The following MAST4 variants were observed in gnomAD, a reference collection of about 807,000 sequenced individuals.
The protein encoded by MAST4 is microtubule associated serine/threonine kinase family member 4.
In MAST4, 89 loss-of-function variants were observed where a neutral mutation model predicts 162.7. That is an observed-to-expected ratio of 0.55 (90% CI 0.46 to 0.65). The LOEUF (loss-of-function observed/expected upper bound fraction) is 0.65, where lower values mean the gene tolerates loss of function less well. MAST4 is among the 30% of genes least tolerant of loss of function. The pLI, the probability that MAST4 is intolerant of heterozygous loss-of-function variation, is 0.00. For missense variants in MAST4, 3,153 were observed against 3,374.0 expected, an observed-to-expected ratio of 0.93 and a Z score of 1.62; for synonymous variants, 1,479 against 1,361.1, an observed-to-expected ratio of 1.09 and a Z score of -1.91.
chr5:66,613,028 G>C (rs1243386467), intron 1 of MAST4, among the ~76,000 whole-genome samples: 2 of 152,036 alleles, frequency 1.3e-5, no homozygotes, highest in Admixed American at 6.6e-5. Flanking sequence ...CAAGAGTACT[G>C]TTTCTTTAAA....
intron 3 of MAST4, among the ~76,000 whole-genome samples, chr5:66,874,230 A>C (rs932637864): frequency 6.6e-6 from 1 of 152,190 alleles, no homozygotes; most frequent in Non-Finnish European, 1.5e-5. Context: ...CAAATGAACA[A>C]AGAATGAAGC....
intron 5 of MAST4, among the ~76,000 whole-genome samples, chr5:67,085,740 G>T (rs931570155): frequency 6.6e-6 from 1 of 152,176 alleles, no homozygotes; most frequent in Non-Finnish European, 1.5e-5. Flanking sequence ...CGAAACAGCT[G>T]CCCAGGTTTA....
chr5:66,893,380 T>TG (rs1762480984), intron 3 of MAST4, among the ~76,000 whole-genome samples: 3 of 142,228 alleles, frequency 2.1e-5, no homozygotes, highest in Admixed American at 7.3e-5. Flanking sequence ...TAATTTTTTT[T>TG]TTTGTGTGTG....
In MAST4 at chr5:67,142,209, A is replaced by G. The variant is rs1770480227; in HGVS notation, c.2589A>G (p.Glu863=). 1 of 1,613,908 alleles carries G rather than the reference A, an allele frequency of 6.2e-7. No homozygotes were observed. Among genetic ancestry groups the G allele is most frequent in the African/African-American group, 1.3e-5 (1 of 75,066 alleles). The part of the protein sequence containing the change: ...RQKAEFIPQL[E]SEDDTSYFDT... Reference sequence around the variant, plus strand: ...AGGCAGAATTTATTCCCCAACTGGAATCTGAGGATGACACAAGTTATTTTG... The same window carrying G: ...AGGCAGAATTTATTCCCCAACTGGAGTCTGAGGATGACACAAGTTATTTTG... The change falls in exon 20 of 29, where the codon GAA becomes GAG. Residue 863 remains glutamate (E), a synonymous_variant. Coordinates refer to ENST00000403625, the MANE Select transcript of MAST4 (RefSeq NM_001164664.2).
Position 67,020,003 on chromosome 5 carries a change from A to G in MAST4, c.675-34401A>G, listed in dbSNP as rs1178151102. Among the ~76,000 whole-genome samples, 5 of 152,208 alleles carry G rather than the reference A, an allele frequency of 3.3e-5. No homozygotes were observed. The East Asian group carries it at 9.6e-4, about 29-fold the overall frequency. ...AAAGTAGGACAACCATGGTGAAAATAGAATCTTTAATCTCTTGAGGGGAAA... is the reference window on the plus strand; with the variant it reads ...AAAGTAGGACAACCATGGTGAAAATGGAATCTTTAATCTCTTGAGGGGAAA... On this transcript the variant is annotated intron_variant, in intron 4 of 28. Transcript: ENST00000403625.
intron 8 of MAST4, among the ~76,000 whole-genome samples, chr5:67,101,171 A>T (rs1764985421): frequency 6.6e-6 from 1 of 152,180 alleles, no homozygotes; most frequent in Admixed American, 6.5e-5. Flanking sequence ...CTTGTTCAGC[A>T]TGTTTCTTAG....
At chr5:66,860,309 A>G (rs538959262) in intron 3 of MAST4, among the ~76,000 whole-genome samples, 12 of 152,352 alleles carry the variant, frequency 7.9e-5, no homozygotes, top group Admixed American at 7.2e-4. Context: ...ACTGCTAACT[A>G]TTTAAAAAAT....
intron 3 of MAST4, among the ~76,000 whole-genome samples, chr5:66,882,813 C>T (rs780839477): frequency 3.9e-5 from 6 of 152,056 alleles, no homozygotes; most frequent in Admixed American, 6.6e-5. Flanking sequence ...CAGTGTATGA[C>T]GCAGAAGAGG....
intron 4 of MAST4, among the ~76,000 whole-genome samples, chr5:66,955,432 G>A (rs1435162014): frequency 6.6e-6 from 1 of 152,074 alleles, no homozygotes; most frequent in Non-Finnish European, 1.5e-5. Context: ...TAGAAGAGGG[G>A]ATGTGGAGGT....
At chr5:66,839,096 A>G (rs1758238036) in intron 3 of MAST4, among the ~76,000 whole-genome samples, 1 of 152,204 alleles carries the variant, frequency 6.6e-6, no homozygotes, top group African/African-American at 2.4e-5. Flanking sequence ...AACTGAAGGT[A>G]GAATTAACAG....
chr5:66,808,352 C>T (rs1025029140), intron 3 of MAST4, among the ~76,000 whole-genome samples: 1 of 152,196 alleles, frequency 6.6e-6, no homozygotes, highest in Non-Finnish European at 1.5e-5. Flanking sequence ...GCCCCTCTGG[C>T]TTGCGAAGCT....
intron 1 of MAST4, among the ~76,000 whole-genome samples, chr5:66,616,341 T>C (rs1018964054): frequency 6.6e-6 from 1 of 152,202 alleles, no homozygotes. Flanking sequence ...AAGAGATGTT[T>C]TAAATTTTTT....
chr5:67,035,078 A>G (rs968853593), intron 4 of MAST4, among the ~76,000 whole-genome samples: 1 of 151,938 alleles, frequency 6.6e-6, no homozygotes, highest in African/African-American at 2.4e-5. Flanking sequence ...TGTTTTTTGC[A>G]TTTTAAGTAA....
intron 1 of MAST4, among the ~76,000 whole-genome samples, chr5:66,667,554 A>G (rs1014364416): frequency 1.3e-5 from 2 of 152,198 alleles, no homozygotes; most frequent in Non-Finnish European, 2.9e-5. Context: ...TATTGAGTGC[A>G]GTGATATCCA....
At chr5:66,615,357 C>T (rs968344075) in intron 1 of MAST4, among the ~76,000 whole-genome samples, 1 of 152,058 alleles carries the variant, frequency 6.6e-6, no homozygotes, top group Non-Finnish European at 1.5e-5. Context: ...GGTTCAGGTG[C>T]CATGCAAGTA....
intron 1 of MAST4, among the ~76,000 whole-genome samples, chr5:66,702,287 C>T (rs933668415): frequency 6.6e-6 from 1 of 152,162 alleles, no homozygotes; most frequent in African/African-American, 2.4e-5. Flanking sequence ...CTTATTACCA[C>T]CAAGTATTTA....
chr5:66,696,187 A>G (rs1341123508), intron 1 of MAST4, among the ~76,000 whole-genome samples: 1 of 151,966 alleles, frequency 6.6e-6, no homozygotes, highest in Non-Finnish European at 1.5e-5. Context: ...AAAAACACAC[A>G]CTGGGGCCTG....
Position 67,134,525 on chromosome 5 carries a change from C to T in MAST4, c.2229C>T (p.Val743=), listed in dbSNP as rs1230742284. 6.2e-7 allele frequency: 1 copy of T among 1,610,878 alleles called. No individual in the cohort carries two copies. The highest frequency in any genetic ancestry group is 1.3e-5 in the African/African-American group (1 of 74,792). Residue 743 remains valine, a splice_region_variant and synonymous_variant, in exon 18 of 29, where the codon GTC becomes GTT. Transcript: ENST00000403625. ...KDAREFLDKQ[V]CGTPEYIAPE... ...CTAATATTGCAATTATCTTTTAGGT[C>T]TGTGGCACACCTGAATACATTGCAC...
chr5:66,829,851 ATAT>A (rs1757481227), intron 3 of MAST4, among the ~76,000 whole-genome samples: 2 of 108,718 alleles, frequency 1.8e-5, no homozygotes, highest in African/African-American at 6.4e-5. Context: ...TATTACTATA[ATAT>A]TAATATAGGC....
Sources: gnomAD v4.1 joint callset for allele counts (sites outside exome capture counted in the v4.1 genomes callset) on GRCh38, gnomAD v4.1.1 for gene constraint, MANE v1.5 for transcripts, NCBI Gene and HGNC (gene_info 2026-07-23, HGNC 2026-07-21) for gene names.